Variants in FAF1 observed in about 807,000 individuals in gnomAD.
FAF1 encodes the protein FAS-associated factor 1.
Under a neutral mutation model 92.5 loss-of-function variants are expected in FAF1, and 25 were observed. The observed-to-expected ratio is 0.27, with a 90% CI of 0.20 to 0.38. The LOEUF (loss-of-function observed/expected upper bound fraction) is 0.38. Ranked by LOEUF, FAF1 falls within the 10% of genes least tolerant of loss-of-function variation. The pLI is 1.00. For missense variants in FAF1, 636 were observed against 793.3 expected (o/e 0.80, Z 2.38); for synonymous variants, 234 against 273.2 (o/e 0.86, Z 1.42).
chr1:50,818,523 C>A (rs969868562), intron 2 of FAF1, among the ~76,000 whole-genome samples: 2 of 152,152 alleles, frequency 1.3e-5, no homozygotes, highest in Non-Finnish European at 2.9e-5. Flanking sequence ...CAAAAGAATG[C>A]CATTCAATAA....
At position 50,867,752 on chromosome 1, in the gene FAF1, A is replaced by G. The variant is rs182240758; in HGVS notation, c.46-9755T>C. Reference sequence around the variant, plus strand: ...TGGTGGGAATGTAAACTAGTACACCACTATGAAAAACAGCATGGAGATTCC... The same window carrying G: ...TGGTGGGAATGTAAACTAGTACACCGCTATGAAAAACAGCATGGAGATTCC... On this transcript the variant is annotated intron_variant, in intron 1 of 18. Transcript: ENST00000396153. Among the ~76,000 whole-genome samples the G allele has an allele frequency of 3.9e-3, 591 of 152,292 alleles. 1 individual carries two copies. Among genetic ancestry groups the G allele is most frequent in the African/African-American group, 0.013 (558 of 41,576 alleles).
chr1:50,922,818 CAAAAAAAAAAAAAA>C (rs754253837), intron 1 of FAF1, among the ~76,000 whole-genome samples: 1 of 56,886 alleles, frequency 1.8e-5, no homozygotes, highest in South Asian at 6.5e-4. Flanking sequence ...GAATCCACCA[CAAAAAAAAAAAAAA>C]AAAAAAAGGC....
intron 18 of FAF1, among the ~76,000 whole-genome samples, chr1:50,453,766 G>A (rs544271255): frequency 2.0e-5 from 3 of 152,322 alleles, no homozygotes; most frequent in Middle Eastern, 3.4e-3. Flanking sequence ...TAGGAAAGTG[G>A]TACTTGAAGG....
chr1:50,812,741 A>G (rs1643928970), intron 2 of FAF1, among the ~76,000 whole-genome samples: 1 of 152,204 alleles, frequency 6.6e-6, no homozygotes, highest in African/African-American at 2.4e-5. Context: ...AAAGGCATAT[A>G]AATTGTTCTA....
intron 15 of FAF1, among the ~76,000 whole-genome samples, chr1:50,495,845 A>G (rs1646891599): frequency 6.6e-6 from 1 of 152,168 alleles, no homozygotes; most frequent in Non-Finnish European, 1.5e-5. Flanking sequence ...TCTGATCTGT[A>G]TCAGAATCAG....
chr1:50,479,727 C>T (rs1044547228), intron 17 of FAF1, among the ~76,000 whole-genome samples: 2 of 152,168 alleles, frequency 1.3e-5, no homozygotes, highest in Non-Finnish European at 2.9e-5. Context: ...CTCGTTACTT[C>T]ATTCATTATA....
At position 50,813,986 on chromosome 1, in the gene FAF1, T is replaced by A. The variant is rs578202971; in HGVS notation, c.115-12309A>T. ...ACCACACCATATATATATACTATGT[T>A]TTTTACCTATACATATAGTTATGAT... On this transcript the variant is annotated intron_variant, in intron 2 of 18. Coordinates refer to ENST00000396153, the MANE Select transcript of FAF1 (RefSeq NM_007051.3). Among the ~76,000 whole-genome samples, 869 of 152,290 alleles carry A rather than the reference T, an allele frequency of 5.7e-3. 3 individuals are homozygous for A. The highest frequency in any genetic ancestry group is 0.017 in the Middle Eastern group (5 of 294).
chr1:50,940,058 G>A (rs1645119008), intron 1 of FAF1, among the ~76,000 whole-genome samples: 1 of 151,984 alleles, frequency 6.6e-6, no homozygotes, highest in South Asian at 2.1e-4. Context: ...CTACAGGCAC[G>A]TACCACCACA....
intron 1 of FAF1, among the ~76,000 whole-genome samples, chr1:50,905,540 G>A (rs1182919972): frequency 6.6e-6 from 1 of 152,086 alleles, no homozygotes; most frequent in Non-Finnish European, 1.5e-5. Context: ...ATCCTCTCTA[G>A]CACCTGCAGT....
chr1:50,445,058 G>A (rs574770305), intron 18 of FAF1, among the ~76,000 whole-genome samples: 1 of 152,230 alleles, frequency 6.6e-6, no homozygotes, highest in East Asian at 1.9e-4. Flanking sequence ...TAATATAAAA[G>A]GTAGGTTATC....
rs545539475 is a variant in FAF1 at position 50,635,482 on chromosome 1, G to A, written c.744+19960C>T. Among the ~76,000 whole-genome samples, 7 of 152,294 alleles carry A rather than the reference G, an allele frequency of 4.6e-5. No homozygotes were observed. The South Asian group carries it at 1.0e-3, about 23-fold the overall frequency. On this transcript the variant is annotated intron_variant, in intron 8 of 18. Coordinates refer to ENST00000396153, the MANE Select transcript of FAF1 (RefSeq NM_007051.3). ...ACTCTGTCACCCAGGCTGGAGTGCA[G>A]TGTCATGATCATGGCTCACTGAAGC...
chr1:50,792,114 G>A (rs1661583481), intron 3 of FAF1, among the ~76,000 whole-genome samples: 1 of 152,106 alleles, frequency 6.6e-6, no homozygotes, highest in Admixed American at 6.5e-5. Flanking sequence ...TATTTTGATG[G>A]TAATAATGAC....
chr1:50,546,310 TTG>T (rs373651306), intron 13 of FAF1, among the ~76,000 whole-genome samples: 29 of 152,352 alleles, frequency 1.9e-4, no homozygotes, highest in African/African-American at 6.3e-4. Context: ...AGGTATTAAA[TTG>T]TGTTTACCAT....
intron 2 of FAF1, among the ~76,000 whole-genome samples, chr1:50,853,955 A>G (rs867721839): frequency 6.6e-6 from 1 of 152,050 alleles, no homozygotes; most frequent in Admixed American, 6.6e-5. Context: ...GAAATACTTC[A>G]TATATCATGG....
intron 7 of FAF1, among the ~76,000 whole-genome samples, chr1:50,675,913 T>C (rs757645410): frequency 3.9e-5 from 6 of 152,246 alleles, no homozygotes; most frequent in Non-Finnish European, 7.3e-5. Context: ...CCAGGTACTG[T>C]GCATGTTACT....
Position 50,715,344 on chromosome 1 carries a change from G to A in FAF1, c.552-9453C>T, listed in dbSNP as rs148162809. The stretch of plus-strand genomic sequence containing the variant: ...GAGCCAGGCACAGTGCTGTGTGCCT[G>A]TAATCCCAGCTACTTAGGAGGCGGA... On this transcript the variant is annotated intron_variant, in intron 6 of 18. Coordinates refer to ENST00000396153, the MANE Select transcript of FAF1 (RefSeq NM_007051.3). 3.3e-5 allele frequency among the ~76,000 whole-genome samples: 5 copies of A among 152,272 alleles called. No individual in the cohort carries two copies. In the East Asian group the frequency reaches 9.7e-4, roughly 29 times the overall value.
chr1:50,862,126 T>G (rs1183786744), intron 1 of FAF1, among the ~76,000 whole-genome samples: 1 of 148,630 alleles, frequency 6.7e-6, no homozygotes, highest in African/African-American at 2.5e-5. Flanking sequence ...CACATGGGAA[T>G]GAGGACCAAT....
chr1:50,742,344 A>C (rs557443118), intron 5 of FAF1, among the ~76,000 whole-genome samples: 1 of 141,934 alleles, frequency 7.0e-6, no homozygotes, highest in Non-Finnish European at 1.5e-5. Flanking sequence ...GAAAGAAGTA[A>C]ATTGAAGTAT....
intron 1 of FAF1, among the ~76,000 whole-genome samples, chr1:50,948,819 C>T (rs1298281633): frequency 2.6e-5 from 4 of 152,164 alleles, no homozygotes; most frequent in African/African-American, 9.6e-5. Context: ...AGACACCACA[C>T]TTGGCCCTAG....
Sources: allele counts gnomAD v4.1 joint callset (sites outside exome capture counted in the v4.1 genomes callset), GRCh38; gene constraint gnomAD v4.1.1; transcripts MANE v1.5; gene names NCBI Gene and HGNC (gene_info 2026-07-23, HGNC 2026-07-21).